Variants in RBM10 observed in about 807,000 individuals in gnomAD.
The protein encoded by RBM10 is RNA binding motif protein 10.
RBM10 carries 1 observed loss-of-function variant against 84.9 expected under a neutral mutation model. The ratio of observed to expected loss-of-function variants is 0.01; its 90% CI spans 0.00 to 0.06. The LOEUF is 0.06. Among genes scored for constraint, RBM10 ranks in the 10% least tolerant of loss-of-function variants. The probability of loss-of-function intolerance (pLI) is 1.00; values close to 1 mark genes in which losing one functional copy is unlikely to be tolerated. For missense variants in RBM10, 438 were observed against 839.0 expected (o/e 0.52, Z 5.90); for synonymous variants, 326 against 344.5 (o/e 0.95, Z 0.60).
chrX:47,173,431 G>C (rs1254434463), intron 5 of RBM10, among the ~76,000 whole-genome samples: 1 of 112,326 alleles, frequency 8.9e-6, no homozygotes, highest in African/African-American at 3.2e-5. Flanking sequence ...GAGCTGAGCT[G>C]GGTGCTCCCT....
intron 2 of RBM10, among the ~76,000 whole-genome samples, chrX:47,166,469 CTCTTT>C (rs782303181): frequency 2.4e-4 from 27 of 110,656 alleles, no homozygotes; most frequent in Non-Finnish European, 4.0e-4. Context: ...CTTTCTCTCT[CTCTTT>C]TTTTTTTTTC....
chrX:47,163,320 A>C (rs1933880688), intron 2 of RBM10, among the ~76,000 whole-genome samples: 1 of 111,997 alleles, frequency 8.9e-6, no homozygotes, highest in Middle Eastern at 4.2e-3. Context: ...TCCTAATATA[A>C]TCTGTAGTTT....
At chrX:47,181,892 G>A (rs2147193965) in intron 15 of RBM10, 26 bp downstream of exon 15, 1 of 1,211,376 alleles carries the variant, frequency 8.3e-7, no homozygotes, top group Non-Finnish European at 1.1e-6. Flanking sequence ...CTGTGGGTAG[G>A]GGTGGGGAGT....
At chrX:47,182,734 T>C (rs1233947103) in intron 17 of RBM10, among the ~76,000 whole-genome samples, 1 of 112,512 alleles carries the variant, frequency 8.9e-6, no homozygotes, top group Non-Finnish European at 1.9e-5. Context: ...CCTCAGTGTC[T>C]CTCTGTGGAG....
chrX:47,175,314 C>T (rs1294571451), intron 6 of RBM10, among the ~76,000 whole-genome samples: 1 of 108,385 alleles, frequency 9.2e-6, no homozygotes, highest in Non-Finnish European at 1.9e-5. Flanking sequence ...CTGGCCCCTT[C>T]CTACCACCAG....
At chrX:47,158,114 T>C in intron 2 of RBM10, 1 of 216,649 alleles carries the variant, frequency 4.6e-6, no homozygotes, top group Non-Finnish European at 8.5e-6. Flanking sequence ...CCTGCACACC[T>C]CCGCTAAAGC....
intron 17 of RBM10, 26 bp from the exon 18 acceptor site, chrX:47,185,029 A>T (rs1556781413): frequency 1.7e-6 from 2 of 1,199,474 alleles, no homozygotes; most frequent in South Asian, 3.6e-5. Flanking sequence ...GGGTTCTGGG[A>T]ACCTCACCTC....
chrX:47,174,158 G>C (rs1934926860), intron 5 of RBM10, among the ~76,000 whole-genome samples: 1 of 108,539 alleles, frequency 9.2e-6, no homozygotes, highest in Non-Finnish European at 1.9e-5. Flanking sequence ...TGTAGGTCTT[G>C]CTCTGCATCA....
At chrX:47,173,019 G>A in intron 4 of RBM10, 109 bp from the exon 5 acceptor site, 2 of 1,185,747 alleles carry the variant, frequency 1.7e-6, no homozygotes, top group East Asian at 3.1e-5. Flanking sequence ...GGAGGAGACT[G>A]TGTGCACATC....
intron 4 of RBM10, 128 bp from the exon 5 acceptor site, chrX:47,173,000 G>A (rs781844794): frequency 2.7e-4 from 314 of 1,159,716 alleles, no homozygotes; most frequent in Non-Finnish European, 1.2e-4. Flanking sequence ...GAAAAGCTGC[G>A]AAAGAGGCGG....
intron 17 of RBM10, among the ~76,000 whole-genome samples, chrX:47,183,396 C>T (rs1304187890): frequency 9.0e-6 from 1 of 110,860 alleles, no homozygotes; most frequent in Non-Finnish European, 1.9e-5. Flanking sequence ...TGGCAGGCGC[C>T]TGTAATCCCG....
chrX:47,157,779 A>G (rs1602513099), intron 2 of RBM10: 1 of 343,157 alleles, frequency 2.9e-6, no homozygotes, highest in Non-Finnish European at 5.0e-6. Flanking sequence ...CAGCTGCATG[A>G]CTTTTTTTTT....
intron 2 of RBM10, among the ~76,000 whole-genome samples, chrX:47,148,330 C>T (rs988094925): frequency 6.3e-5 from 7 of 111,542 alleles, no homozygotes; most frequent in Admixed American, 4.8e-4. Context: ...TGATTTTGGA[C>T]GGTATTCACT....
chrX:47,157,394 A>G, intron 2 of RBM10: 1 of 321,561 alleles, frequency 3.1e-6, no homozygotes, highest in Non-Finnish European at 5.9e-6. Context: ...ACATCTCGTG[A>G]GAGTTGGTGC....
intron 2 of RBM10, among the ~76,000 whole-genome samples, chrX:47,161,912 G>A (rs1303084699): frequency 1.8e-5 from 2 of 110,732 alleles, no homozygotes; most frequent in African/African-American, 6.6e-5. Flanking sequence ...GCGCAATCTC[G>A]GCTCACTGCA....
intron 2 of RBM10, among the ~76,000 whole-genome samples, chrX:47,148,622 T>A (rs1932498003): frequency 1.0e-5 from 1 of 98,293 alleles, no homozygotes; most frequent in Admixed American, 1.1e-4. Flanking sequence ...AGAAAATGTA[T>A]CCTTCTATGA....
rs2147200674 is a variant in RBM10, at chrX:47,182,345, C to T, written c.1950+19C>T. The T allele has an allele frequency of 8.4e-7, 1 of 1,193,116 alleles. No homozygotes were observed. The highest frequency in any genetic ancestry group is 1.1e-6 in the Non-Finnish European group (1 of 885,590). On this transcript the variant is annotated intron_variant, in intron 17 of 23. Coordinates refer to ENST00000377604, the MANE Select transcript of RBM10 (RefSeq NM_005676.5). ...TCAACAGGTGAACACCAGGGTCCAG[C>T]AGTCACTGGCTGGCTGTGTGGTGTC... is the stretch of plus-strand genomic sequence containing the variant.
intron 2 of RBM10, among the ~76,000 whole-genome samples, chrX:47,168,169 A>C (rs1198604454): frequency 8.9e-6 from 1 of 111,772 alleles, no homozygotes; most frequent in Non-Finnish European, 1.9e-5. Context: ...TTGAGCGCCT[A>C]CTGAGTGCTA....
rs781992648 is a variant in RBM10, at chrX:47,152,801, A to G, written c.17+5303A>G. Among the ~76,000 whole-genome samples, 64 of 105,819 alleles carry G rather than the reference A, an allele frequency of 6.0e-4. No individual in the cohort carries two copies. The East Asian group carries it at 0.018, about 29-fold the overall frequency. The allele number at this position is 105,819 out of a possible 115,157, so 91.9% of individuals were successfully genotyped here. ...CACACACACACACACACACACACAC[A>G]CACACACACACACACGTTTTTTTTA... On this transcript the variant is annotated intron_variant, in intron 2 of 23. Transcript: ENST00000377604.
Sources: allele counts gnomAD v4.1 joint callset (sites outside exome capture counted in the v4.1 genomes callset), GRCh38; gene constraint gnomAD v4.1.1; transcripts MANE v1.5; gene names NCBI Gene and HGNC (gene_info 2026-07-23, HGNC 2026-07-21).